The following SPCS3 variants were observed in gnomAD, a reference collection of about 807,000 sequenced individuals.
The protein encoded by SPCS3 is SPase 22 kDa subunit.
SPCS3 carries 9 observed loss-of-function variants against 17.2 expected under a neutral mutation model. That is an observed-to-expected ratio of 0.52 (90% confidence interval 0.31 to 0.91). The LOEUF (loss-of-function observed/expected upper bound fraction) is 0.91, where lower values mean the gene tolerates loss of function less well. SPCS3 is among the 40% of genes least tolerant of loss of function. The pLI is 0.04. For missense variants in SPCS3, 139 were observed against 217.5 expected, an observed-to-expected ratio of 0.64 and a Z score of 2.27; for synonymous variants, 87 against 89.6, an observed-to-expected ratio of 0.97 and a Z score of 0.16.
Position 176,320,040 on chromosome 4 carries a change from G to C in SPCS3, c.-37G>C, listed in dbSNP as rs997837670. The C allele has an allele frequency of 2.0e-6, 3 of 1,495,328 alleles. No individual in the cohort carries two copies. The African/African-American group carries it at 4.3e-5, about 22-fold the overall frequency. 92.6% of individuals were successfully genotyped at this position (1,495,328 alleles called of 1,614,324 possible). A position where few individuals can be genotyped will look rare whatever the true frequency, so the allele number is the denominator to read the frequency against. The stretch of plus-strand genomic sequence containing the variant: ...CCGCCGCCGGAACGGGAGCCTGGGT[G>C]TGCGTGTGGAGTCCGGACTCGTGGG... On this transcript the variant is annotated 5_prime_UTR_variant, in exon 1 of 5. Coordinates refer to ENST00000503362, the MANE Select transcript of SPCS3 (RefSeq NM_021928.4).
rs1252638569 is a variant in SPCS3, at chr4:176,330,861, T to C, written c.*2531T>C. On this transcript the variant is annotated 3_prime_UTR_variant, in exon 5 of 5. Transcript: ENST00000503362. ...GTAATTATGGTTAGAAATGAATTAA[T>C]TTAAAAATGTGTTCACATATCCCTT... is the stretch of plus-strand genomic sequence containing the variant. 6.6e-6 allele frequency: 1 copy of C among 152,226 alleles called. No individual in the cohort carries two copies. Among genetic ancestry groups the C allele is most frequent in the Non-Finnish European group, 1.5e-5 (1 of 68,028 alleles). The allele number at this position is 152,226 out of a possible 1,614,324, so 9.4% of individuals were successfully genotyped here.
chr4:176,325,254 A>G (rs925192476), intron 3 of SPCS3, among the ~76,000 whole-genome samples: 1 of 151,836 alleles, frequency 6.6e-6, no homozygotes, highest in Non-Finnish European at 1.5e-5. Context: ...CGGTTTCACC[A>G]TGTTGGCTAG....
intron 4 of SPCS3, 27 bp downstream of exon 4, chr4:176,327,304 C>A: frequency 2.3e-6 from 3 of 1,326,534 alleles, no homozygotes; most frequent in Non-Finnish European, 2.1e-6. Flanking sequence ...CATTTTTTTA[C>A]ATTTAATAAG....
In SPCS3 at chr4:176,324,325, A is replaced by G. The variant is rs979644109; in HGVS notation, c.294+68A>G. The G allele has an allele frequency of 8.5e-6, 6 of 707,500 alleles. No individual in the cohort carries two copies. The Admixed American group carries it at 2.5e-4, about 30-fold the overall frequency. 43.8% of individuals were successfully genotyped at this position (707,500 alleles called of 1,614,324 possible). A position where few individuals can be genotyped will look rare whatever the true frequency, so the allele number is the denominator to read the frequency against. On this transcript the variant is annotated intron_variant, in intron 3 of 4. Coordinates refer to ENST00000503362, the MANE Select transcript of SPCS3 (RefSeq NM_021928.4). ...TCTTACTCTTTACGAAAGAATACAC[A>G]TTTTTATATATTTAAAATATCTGAC...
At chr4:176,323,907 C>T (rs2127000617) in intron 2 of SPCS3, among the ~76,000 whole-genome samples, 1 of 144,806 alleles carries the variant, frequency 6.9e-6, no homozygotes, top group African/African-American at 2.6e-5. Flanking sequence ...TTGTTCTTTT[C>T]TTACTAGTCA....
Position 176,328,344 on chromosome 4 carries a change from T to C in SPCS3, c.*14T>C, listed in dbSNP as rs749779008. On this transcript the variant is annotated 3_prime_UTR_variant, in exon 5 of 5. Coordinates refer to ENST00000503362, the MANE Select transcript of SPCS3 (RefSeq NM_021928.4). Reference sequence around the variant, plus strand: ...AAGAGTTATTAAATTATTCTGAATTTGAAACAACATATTTTTATACTTAAT... The same window carrying C: ...AAGAGTTATTAAATTATTCTGAATTCGAAACAACATATTTTTATACTTAAT... The C allele has an allele frequency of 6.4e-7, 1 of 1,563,326 alleles. No homozygotes were observed. The highest frequency in any genetic ancestry group is 1.2e-5 in the South Asian group (1 of 84,146).
At chr4:176,327,025 T>C in intron 3 of SPCS3, 137 bp from the exon 4 acceptor site, 2 of 539,036 alleles carry the variant, frequency 3.7e-6, no homozygotes, top group Non-Finnish European at 6.6e-6. Flanking sequence ...CTATCATTTG[T>C]ATGCATTAAG....
intron 2 of SPCS3, 57 bp from the exon 3 acceptor site, chr4:176,324,122 AAG>A (rs1731572583): frequency 1.2e-6 from 1 of 851,306 alleles, no homozygotes; most frequent in Non-Finnish European, 1.6e-6. Context: ...AAGAATAATT[AAG>A]ATCTATTTAA....
intron 3 of SPCS3, 114 bp downstream of exon 3, chr4:176,324,371 T>C (rs766244811): frequency 4.2e-5 from 21 of 503,308 alleles, no homozygotes; most frequent in Non-Finnish European, 6.3e-5. Flanking sequence ...TAGCAAAACA[T>C]CACAAGCCAG....
At position 176,320,090 on chromosome 4, in the gene SPCS3, T is replaced by C; in HGVS notation, c.14T>C (p.Leu5Pro). Reference sequence around the variant, plus strand: ...GAGACGATCGCGATGAACACGGTGCTGTCGCGGGCGAACTCACTGTTCGCC... The same window carrying C: ...GAGACGATCGCGATGAACACGGTGCCGTCGCGGGCGAACTCACTGTTCGCC... MNTVLSRANSLFAFS... is the reference protein window; with the variant it reads MNTVPSRANSLFAFS... The change falls in exon 1 of 5, where the codon CTG becomes CCG. Residue 5 changes from leucine to proline, a missense_variant. Physicochemically the swap from Leu to Pro is moderately conservative, Grantham distance 98. Transcript: ENST00000503362. 2 of 1,569,376 alleles carry C rather than the reference T, an allele frequency of 1.3e-6. No individual in the cohort carries two copies. The highest frequency in any genetic ancestry group is 2.6e-5 in the East Asian group (1 of 38,938).
intron 3 of SPCS3, among the ~76,000 whole-genome samples, chr4:176,325,330 A>C (rs1731592175): frequency 6.6e-6 from 1 of 152,132 alleles, no homozygotes; most frequent in Non-Finnish European, 1.5e-5. Context: ...CTAGGATTAC[A>C]GGCATAAGCC....
At position 176,320,261 on chromosome 4, in the gene SPCS3, G is replaced by T. The variant is rs924769458; in HGVS notation, c.143+42G>T. On this transcript the variant is annotated intron_variant, in intron 1 of 4. Transcript: ENST00000503362. The stretch of plus-strand genomic sequence containing the variant: ...CGGCGGTGCAGGACGCCGGGACCGG[G>T]CTGGGGCGGAAGCCGAAGCCGGGCC... 2.1e-6 allele frequency: 3 copies of T among 1,404,774 alleles called. No homozygotes were observed. In the Admixed American group the frequency reaches 8.8e-5, roughly 41 times the overall value. 87.0% of individuals were successfully genotyped at this position (1,404,774 alleles called of 1,614,324 possible).
intron 2 of SPCS3, among the ~76,000 whole-genome samples, chr4:176,322,565 T>C (rs531702054): frequency 3.6e-4 from 55 of 152,248 alleles, no homozygotes; most frequent in African/African-American, 1.1e-3. Flanking sequence ...GGAAAAATAT[T>C]ACCAATGCTC....
rs1249643503 is a variant in SPCS3, at chr4:176,323,076, GA to G, written c.217+836del. On this transcript the variant is annotated intron_variant, in intron 2 of 4. Coordinates refer to ENST00000503362, the MANE Select transcript of SPCS3 (RefSeq NM_021928.4). Reference sequence around the variant, plus strand: ...ATCTAATTTGCCTTTCTATGACCATGAAATTTACTTTTAGCTTAAGTTTTGG... The same window carrying G: ...ATCTAATTTGCCTTTCTATGACCATGAATTTACTTTTAGCTTAAGTTTTGG... Among the ~76,000 whole-genome samples, 7 of 152,080 alleles carry G rather than the reference GA, an allele frequency of 4.6e-5. No homozygotes were observed. In the East Asian group the frequency reaches 1.2e-3, roughly 25 times the overall value.
At chr4:176,326,978 G>T in intron 3 of SPCS3, 184 bp from the exon 4 acceptor site, 1 of 422,144 alleles carries the variant, frequency 2.4e-6, no homozygotes, top group East Asian at 4.8e-5. Context: ...TCTTCTCTCT[G>T]AGAAAAGTTT....
Position 176,327,202 on chromosome 4 carries a change from G to T in SPCS3, c.335G>T (p.Arg112Ile). The change falls in exon 4 of 5, where the codon AGA becomes ATA. Residue 112 changes from arginine (R) to isoleucine (I), a missense_variant. Coordinates refer to ENST00000503362, the MANE Select transcript of SPCS3 (RefSeq NM_021928.4). ...GTCCTATGGGACAAGATTGTTTTGA[G>T]AGGTGATAATCCGAAGCTGCTGCTG... ...QVVLWDKIVLRGDNPKLLLKD... is the reference protein window; with the variant it reads ...QVVLWDKIVLIGDNPKLLLKD... The T allele has an allele frequency of 6.3e-7, 1 of 1,595,750 alleles. No homozygotes were observed. The highest frequency in any genetic ancestry group is 1.1e-5 in the South Asian group (1 of 87,064).
chr4:176,321,005 C>T (rs942111251), intron 1 of SPCS3: 1 of 152,194 alleles, frequency 6.6e-6, no homozygotes, highest in Non-Finnish European at 1.5e-5. Flanking sequence ...TGATTTTATT[C>T]TCTGGCACTT....
Position 176,329,600 on chromosome 4 carries a change from A to G in SPCS3, c.*1270A>G, listed in dbSNP as rs1238340478. 6.6e-6 allele frequency: 1 copy of G among 152,176 alleles called. No homozygotes were observed. Among genetic ancestry groups the G allele is most frequent in the Non-Finnish European group, 1.5e-5 (1 of 67,996 alleles). The allele number at this position is 152,176 out of a possible 1,614,324, so 9.4% of individuals were successfully genotyped here. ...TTCTCTGAATAAATTCATTTCACTT[A>G]TATTAAAAGCATAAGGAAATCTACA... On this transcript the variant is annotated 3_prime_UTR_variant, in exon 5 of 5. Coordinates refer to ENST00000503362, the MANE Select transcript of SPCS3 (RefSeq NM_021928.4).
chr4:176,327,026 A>G, intron 3 of SPCS3, 136 bp from the exon 4 acceptor site: 1 of 537,574 alleles, frequency 1.9e-6, no homozygotes. Context: ...TATCATTTGT[A>G]TGCATTAAGA....
Sources: gnomAD v4.1 joint callset for allele counts (sites outside exome capture counted in the v4.1 genomes callset) on GRCh38, gnomAD v4.1.1 for gene constraint, MANE v1.5 for transcripts, NCBI Gene and HGNC (gene_info 2026-07-23, HGNC 2026-07-21) for gene names.